EIF3H: variants seen among roughly 807,000 people sequenced by gnomAD.
The protein encoded by EIF3H is eukaryotic translation initiation factor 3 subunit H.
EIF3H carries 26 observed loss-of-function variants against 44.2 expected under a neutral mutation model. The ratio of observed to expected loss-of-function variants is 0.59; its 90% CI spans 0.43 to 0.82. The LOEUF is 0.82. Ranked by LOEUF, EIF3H falls within the 40% of genes least tolerant of loss-of-function variation. EIF3H has a pLI of 0.00. For synonymous variants in EIF3H, 166 were observed against 151.9 expected, an observed-to-expected ratio of 1.09 and a Z score of -0.68; for missense variants, 359 against 432.8, an observed-to-expected ratio of 0.83 and a Z score of 1.51.
At chr8:116,701,827 T>G (rs1259088709) in intron 2 of EIF3H, among the ~76,000 whole-genome samples, 1 of 152,140 alleles carries the variant, frequency 6.6e-6, no homozygotes, top group Non-Finnish European at 1.5e-5. Flanking sequence ...CAACATGGCA[T>G]CCCGGACTGC....
At chr8:116,674,797 T>A (rs996221768) in intron 2 of EIF3H, among the ~76,000 whole-genome samples, 1 of 152,098 alleles carries the variant, frequency 6.6e-6, no homozygotes, top group East Asian at 1.9e-4. Context: ...CTCTACTGAG[T>A]AGAAGAGGGA....
intron 1 of EIF3H, among the ~76,000 whole-genome samples, chr8:116,748,457 A>G (rs2130981777): frequency 6.6e-6 from 1 of 152,352 alleles, no homozygotes; most frequent in Non-Finnish European, 1.5e-5. Context: ...AAGCCCAGAA[A>G]GCTAACTAGC....
At chr8:116,701,001 T>A (rs1432882166) in intron 2 of EIF3H, among the ~76,000 whole-genome samples, 3 of 152,174 alleles carry the variant, frequency 2.0e-5, no homozygotes, top group African/African-American at 7.2e-5. Flanking sequence ...TTTATTCTAA[T>A]CAGTTCTCCA....
chr8:116,751,134 C>G (rs1815331029), intron 1 of EIF3H, among the ~76,000 whole-genome samples: 1 of 151,702 alleles, frequency 6.6e-6, no homozygotes, highest in South Asian at 2.1e-4. Context: ...ATGGCGTGAA[C>G]CCGGGAGGCG....
intron 2 of EIF3H, among the ~76,000 whole-genome samples, chr8:116,702,469 T>G (rs1814393955): frequency 6.6e-6 from 1 of 152,232 alleles, no homozygotes; most frequent in Non-Finnish European, 1.5e-5. Context: ...GTTTGTCCTA[T>G]TATTTTAATT....
intron 1 of EIF3H, among the ~76,000 whole-genome samples, chr8:116,733,605 A>AT (rs1398902998): frequency 6.6e-6 from 1 of 151,894 alleles, no homozygotes; most frequent in African/African-American, 2.4e-5. Flanking sequence ...GCCCTTTAAA[A>AT]TTTAAAAAAA....
At position 116,644,836 on chromosome 8, in the gene EIF3H, G is replaced by A. The variant is rs149867098; in HGVS notation, c.*170C>T. 1 of 549,326 alleles carries A rather than the reference G, an allele frequency of 1.8e-6. No homozygotes were observed. Among genetic ancestry groups the A allele is most frequent in the East Asian group, 2.8e-5 (1 of 35,620 alleles). 34.0% of individuals were successfully genotyped at this position (549,326 alleles called of 1,614,324 possible). ...TAAAATCAAATGAGCAAGCAGTCAA[G>A]ATTTTGTTTTATTTTATTATGGCTA... On this transcript the variant is annotated 3_prime_UTR_variant, in exon 8 of 8. Transcript: ENST00000521861.
At chr8:116,645,199 T>C in intron 7 of EIF3H, 96 bp from the exon 8 acceptor site, 1 of 879,200 alleles carries the variant, frequency 1.1e-6, no homozygotes, top group East Asian at 2.5e-5. Flanking sequence ...TAAAACAGAA[T>C]CACCTGTTTA....
chr8:116,699,270 G>A (rs1311029088), intron 2 of EIF3H, among the ~76,000 whole-genome samples: 1 of 152,094 alleles, frequency 6.6e-6, no homozygotes, highest in African/African-American at 2.4e-5. Context: ...AAAAAATACT[G>A]ATATCATGAC....
intron 2 of EIF3H, among the ~76,000 whole-genome samples, chr8:116,725,654 A>C (rs1382961803): frequency 6.6e-6 from 1 of 152,156 alleles, no homozygotes; most frequent in Non-Finnish European, 1.5e-5. Context: ...CTAAACACTG[A>C]CTTATTCAAA....
chr8:116,742,482 C>G (rs1045346859), intron 1 of EIF3H, among the ~76,000 whole-genome samples: 3 of 152,134 alleles, frequency 2.0e-5, no homozygotes, highest in Non-Finnish European at 4.4e-5. Context: ...CCACATGTAC[C>G]TGGTTGGTAA....
upstream of EIF3H, among the ~76,000 whole-genome samples, chr8:116,757,723 ATTT>A (rs749047527): frequency 6.9e-6 from 1 of 144,136 alleles, no homozygotes. Flanking sequence ...AGTTATGTTA[ATTT>A]TTTTTTTTTT....
At chr8:116,713,029 T>A (rs78957137) in intron 2 of EIF3H, among the ~76,000 whole-genome samples, 4,611 of 152,204 alleles carry the variant, frequency 0.03, 88 homozygotes, top group South Asian at 0.07. Context: ...TAATTAGTAC[T>A]AAAACAGTTC....
chr8:116,732,812 C>CT (rs1312261521), intron 1 of EIF3H, among the ~76,000 whole-genome samples: 4 of 152,200 alleles, frequency 2.6e-5, no homozygotes, highest in African/African-American at 9.6e-5. Context: ...CTCAAACACA[C>CT]TGTTTCTCTT....
intron 3 of EIF3H, 158 bp from the exon 4 acceptor site, chr8:116,657,472 C>T (rs577369279): frequency 6.2e-5 from 38 of 612,918 alleles, no homozygotes; most frequent in African/African-American, 5.0e-4. Context: ...ACTCAAAGCA[C>T]TATTGCAAAT....
chr8:116,732,401 A>G, intron 1 of EIF3H, among the ~76,000 whole-genome samples: 1 of 152,316 alleles, frequency 6.6e-6, no homozygotes, highest in East Asian at 1.9e-4. Context: ...GATGGCAGGT[A>G]AAATCTCTCA....
intron 2 of EIF3H, among the ~76,000 whole-genome samples, chr8:116,667,594 AAG>A (rs1357463084): frequency 2.0e-5 from 3 of 152,232 alleles, no homozygotes; most frequent in East Asian, 1.9e-4. Flanking sequence ...ACAAAACAGA[AAG>A]AGATCTATCA....
chr8:116,706,886 C>T (rs1814479678), intron 2 of EIF3H, among the ~76,000 whole-genome samples: 1 of 152,140 alleles, frequency 6.6e-6, no homozygotes, highest in African/African-American at 2.4e-5. Flanking sequence ...GATGATTTTG[C>T]ACAACTGTAG....
intron 2 of EIF3H, among the ~76,000 whole-genome samples, chr8:116,661,164 G>C (rs1813580921): frequency 6.6e-6 from 1 of 152,002 alleles, no homozygotes; most frequent in South Asian, 2.1e-4. Flanking sequence ...TCACTGATTT[G>C]GCTAATAAAT....
Sources: allele counts gnomAD v4.1 joint callset (sites outside exome capture counted in the v4.1 genomes callset), GRCh38; gene constraint gnomAD v4.1.1; transcripts MANE v1.5; gene names NCBI Gene and HGNC (gene_info 2026-07-23, HGNC 2026-07-21).